Variants in DCDC1 observed in about 807,000 individuals in gnomAD.
The protein encoded by DCDC1 is doublecortin domain containing 1.
DCDC1 carries 200 observed loss-of-function variants against 178.3 expected under a neutral mutation model. That is an observed-to-expected ratio of 1.12 (90% CI 1.00 to 1.26). The LOEUF is 1.26. DCDC1 is among the 50% of genes most tolerant of loss of function. DCDC1 has a pLI of 0.00. For missense variants in DCDC1, 1,983 were observed against 1,749.2 expected (o/e 1.13, Z -2.38); for synonymous variants, 690 against 604.8 (o/e 1.14, Z -2.07).
intron 17 of DCDC1, among the ~76,000 whole-genome samples, chr11:31,085,355 T>C (rs1957410491): frequency 6.6e-6 from 1 of 151,796 alleles, no homozygotes; most frequent in South Asian, 2.1e-4. Context: ...ACTCCTAAAG[T>C]TTATTTATGC....
At chr11:30,894,851 T>C (rs1944078531) in intron 34 of DCDC1, among the ~76,000 whole-genome samples, 1 of 152,200 alleles carries the variant, frequency 6.6e-6, no homozygotes, top group African/African-American at 2.4e-5. Context: ...CAGGAATTTT[T>C]TTTTCTATCT....
chr11:30,953,484 T>A (rs1348031308), intron 20 of DCDC1, among the ~76,000 whole-genome samples: 1 of 151,874 alleles, frequency 6.6e-6, no homozygotes, highest in Non-Finnish European at 1.5e-5. Context: ...TATTAAGTGC[T>A]AATTTATTAA....
At chr11:30,929,226 A>AATGATCT (rs1946777100) in intron 22 of DCDC1, among the ~76,000 whole-genome samples, 1 of 152,068 alleles carries the variant, frequency 6.6e-6, no homozygotes, top group South Asian at 2.1e-4. Flanking sequence ...ATCAGAACAC[A>AATGATCT]ATGATCTATG....
chr11:31,036,782 A>G (rs1299455335), intron 20 of DCDC1, among the ~76,000 whole-genome samples: 1 of 152,216 alleles, frequency 6.6e-6, no homozygotes, highest in African/African-American at 2.4e-5. Context: ...GTCAACTGTA[A>G]TGATCTTAAA....
chr11:31,106,140 A>T (rs986641473), intron 13 of DCDC1, among the ~76,000 whole-genome samples: 2 of 152,202 alleles, frequency 1.3e-5, no homozygotes, highest in Non-Finnish European at 2.9e-5. Flanking sequence ...TTTATGCAGG[A>T]ATTTACCAAT....
intron 20 of DCDC1, among the ~76,000 whole-genome samples, chr11:31,063,415 A>G (rs529903349): frequency 1.3e-5 from 2 of 152,312 alleles, no homozygotes; most frequent in East Asian, 1.9e-4. Context: ...TGTTTATTGC[A>G]GCACTATTCA....
At chr11:31,324,078 G>A (rs1565609324) in intron 3 of DCDC1, among the ~76,000 whole-genome samples, 3 of 151,990 alleles carry the variant, frequency 2.0e-5, no homozygotes, top group East Asian at 3.9e-4. Context: ...AGCAATTTCA[G>A]GATATTTTAT....
intron 7 of DCDC1, among the ~76,000 whole-genome samples, chr11:31,286,014 G>C (rs1946796775): frequency 6.6e-6 from 1 of 152,038 alleles, no homozygotes; most frequent in African/African-American, 2.4e-5. Context: ...TACATGAGAA[G>C]TACAGGAGAA....
At chr11:30,911,664 G>A (rs1310696800) in intron 27 of DCDC1, among the ~76,000 whole-genome samples, 1 of 152,210 alleles carries the variant, frequency 6.6e-6, no homozygotes, top group African/African-American at 2.4e-5. Flanking sequence ...GGGGTCAGCA[G>A]TTGGGAGTGA....
chr11:31,325,401 T>C (rs1192350733), intron 3 of DCDC1, among the ~76,000 whole-genome samples: 1 of 152,186 alleles, frequency 6.6e-6, no homozygotes, highest in African/African-American at 2.4e-5. Context: ...TACATTTTTT[T>C]AGTCACATGA....
At chr11:31,222,370 G>C (rs1010585714) in intron 9 of DCDC1, among the ~76,000 whole-genome samples, 3 of 152,022 alleles carry the variant, frequency 2.0e-5, no homozygotes, top group African/African-American at 4.8e-5. Context: ...GCCTCCTCTA[G>C]TTTCTAATAA....
At chr11:31,309,823 T>C (rs1436621136) in intron 3 of DCDC1, among the ~76,000 whole-genome samples, 9 of 152,196 alleles carry the variant, frequency 5.9e-5, no homozygotes, top group Non-Finnish European at 1.3e-4. Context: ...TCATGTTATA[T>C]CCTCAATTCT....
chr11:31,345,302 A>G (rs1950757509), intron 1 of DCDC1, among the ~76,000 whole-genome samples: 1 of 152,226 alleles, frequency 6.6e-6, no homozygotes, highest in Non-Finnish European at 1.5e-5. Context: ...TTTGTTGAAG[A>G]AGAGCTTGTT....
At chr11:31,368,469 G>GT (rs757977131) in intron 1 of DCDC1, among the ~76,000 whole-genome samples, 7 of 152,042 alleles carry the variant, frequency 4.6e-5, no homozygotes, top group Non-Finnish European at 1.0e-4. Context: ...ATTGCTTTAG[G>GT]TATTTTCATG....
intron 9 of DCDC1, among the ~76,000 whole-genome samples, chr11:31,214,641 A>C (rs1471361399): frequency 6.6e-6 from 1 of 152,176 alleles, no homozygotes. Context: ...AAGTGACAGG[A>C]AACAGATGAC....
Position 30,900,377 on chromosome 11 carries a change from C to A in DCDC1, c.4632G>T (p.Val1544=). 6.4e-7 allele frequency: 1 copy of A among 1,569,150 alleles called. No individual in the cohort carries two copies. Among genetic ancestry groups the A allele is most frequent in the Non-Finnish European group, 8.6e-7 (1 of 1,156,760 alleles). The change falls in exon 33 of 39, where the codon GTG becomes GTT. Residue 1544 remains valine, a synonymous_variant. Coordinates refer to ENST00000684477, the MANE Select transcript of DCDC1 (RefSeq NM_001387274.1). ...GAGGTAGAAATGGTTCACCACAAGA[C>A]ACCCAGATGGCAATAGGATTTCTGA... The part of the protein sequence containing the change: ...LILRNPIAIW[V]SCGEPFLPPN...
chr11:30,936,977 C>T (rs1055896742), intron 21 of DCDC1, among the ~76,000 whole-genome samples: 5 of 152,072 alleles, frequency 3.3e-5, no homozygotes, highest in Non-Finnish European at 5.9e-5. Context: ...ATTTTTAACC[C>T]TCCCCTGTTG....
intron 9 of DCDC1, among the ~76,000 whole-genome samples, chr11:31,219,721 G>A (rs1974025588): frequency 6.6e-6 from 1 of 152,140 alleles, no homozygotes; most frequent in Admixed American, 6.6e-5. Flanking sequence ...AGAGAATGAT[G>A]ATATGATGAT....
At chr11:30,952,113 G>A (rs1182754766) in intron 21 of DCDC1, among the ~76,000 whole-genome samples, 1 of 152,158 alleles carries the variant, frequency 6.6e-6, no homozygotes, top group East Asian at 1.9e-4. Flanking sequence ...TGAGACTAGT[G>A]ACTAGAGCTA....
Sources: gnomAD v4.1 joint callset for allele counts (sites outside exome capture counted in the v4.1 genomes callset) on GRCh38, gnomAD v4.1.1 for gene constraint, MANE v1.5 for transcripts, NCBI Gene and HGNC (gene_info 2026-07-23, HGNC 2026-07-21) for gene names.